RAP1GAP2: variants seen among roughly 807,000 people sequenced by gnomAD.
RAP1GAP2 encodes rap1 GTPase-activating protein 2.
A neutral mutation model predicts 95.0 loss-of-function variants in RAP1GAP2; 27 were observed. That is an observed-to-expected ratio of 0.28 (90% CI 0.21 to 0.39). RAP1GAP2 has a LOEUF of 0.39. Among genes scored for constraint, RAP1GAP2 ranks in the 10% least tolerant of loss-of-function variants. The pLI is 1.00. For synonymous variants in RAP1GAP2, 373 were observed against 380.9 expected (o/e 0.98, Z 0.24); for missense variants, 771 against 970.0 (o/e 0.79, Z 2.72).
chr17:2,989,211 T>A (rs2045669005), intron 11 of RAP1GAP2, among the ~76,000 whole-genome samples: 1 of 152,242 alleles, frequency 6.6e-6, no homozygotes, highest in Non-Finnish European at 1.5e-5. Context: ...TTTTAGCCAT[T>A]CTGATAGATG....
At chr17:2,773,725 C>A (rs2068440327), upstream of RAP1GAP2, among the ~76,000 whole-genome samples, 1 of 147,884 alleles carries the variant, frequency 6.8e-6, no homozygotes, top group South Asian at 2.2e-4. Context: ...ACAGTAGACA[C>A]TATTTATTTA....
intron 8 of RAP1GAP2, among the ~76,000 whole-genome samples, chr17:2,975,395 G>A (rs538694018): frequency 2.0e-5 from 3 of 152,252 alleles, no homozygotes; most frequent in Non-Finnish European, 4.4e-5. Flanking sequence ...GGTGTGGAAA[G>A]ATTTAAAATA....
In RAP1GAP2 at chr17:2,867,454, G is replaced by A. The variant is rs2072660793; in HGVS notation, c.81-37830G>A. On this transcript the variant is annotated intron_variant, in intron 2 of 24. Transcript: ENST00000254695. This position sits in a 1 kb window ranked among gnomAD's most constrained non-coding sequence, Gnocchi z 4.5. ...AGGTACCTTATCCACGAAGATGGAC[G>A]ATGGCTGCCCTGGGCTGACCTTCTA... Among the ~76,000 whole-genome samples the A allele has an allele frequency of 6.6e-6, 1 of 150,758 alleles. No homozygotes were observed. Among genetic ancestry groups the A allele is most frequent in the Non-Finnish European group, 1.5e-5 (1 of 68,018 alleles).
At position 2,977,648 on chromosome 17, in the gene RAP1GAP2, G is replaced by A. The variant is rs561730366; in HGVS notation, c.597-2639G>A. Among the ~76,000 whole-genome samples, 7 of 151,666 alleles carry A rather than the reference G, an allele frequency of 4.6e-5. No homozygotes were observed. The East Asian group carries it at 9.7e-4, about 21-fold the overall frequency. On this transcript the variant is annotated intron_variant, in intron 8 of 24. Coordinates refer to ENST00000254695, the MANE Select transcript of RAP1GAP2 (RefSeq NM_015085.5). ...TAATCCCAGCTACTCGGGAGGCTGA[G>A]GCAGGAGAATTGCTTGAACCCGGGA... is the stretch of plus-strand genomic sequence containing the variant.
intron 22 of RAP1GAP2, among the ~76,000 whole-genome samples, chr17:3,030,694 G>A (rs183247114): frequency 2.2e-4 from 34 of 152,206 alleles, no homozygotes; most frequent in Admixed American, 1.2e-3. Flanking sequence ...TGAACTGTAA[G>A]CTTATATATA....
intron 17 of RAP1GAP2, among the ~76,000 whole-genome samples, chr17:3,016,071 G>A (rs2046755311): frequency 6.6e-6 from 1 of 152,182 alleles, no homozygotes; most frequent in Non-Finnish European, 1.5e-5. Flanking sequence ...TGTCCAAGGA[G>A]GGCTGGGTGA....
intron 2 of RAP1GAP2, among the ~76,000 whole-genome samples, chr17:2,833,752 C>T (rs955427382): frequency 2.0e-5 from 3 of 149,870 alleles, no homozygotes; most frequent in Non-Finnish European, 3.0e-5. Context: ...TGACTGTCTA[C>T]ACATGAAAGT....
chr17:2,857,620 T>C lies in RAP1GAP2; in HGVS notation c.81-47664T>C, dbSNP rs2072198424. Among the ~76,000 whole-genome samples, 1 of 151,990 alleles carries C rather than the reference T, an allele frequency of 6.6e-6. No homozygotes were observed. Among genetic ancestry groups the C allele is most frequent in the Admixed American group, 6.6e-5 (1 of 15,242 alleles). On this transcript the variant is annotated intron_variant, in intron 2 of 24. Transcript: ENST00000254695. This position sits in a 1 kb window ranked among gnomAD's most constrained non-coding sequence, Gnocchi z 4.0. ...AAGCAGTGGCGTGTCTGAGAGGGGATTGGGTTTGAGTATGGCTCCCAGGAG... is the reference window on the plus strand; with the variant it reads ...AAGCAGTGGCGTGTCTGAGAGGGGACTGGGTTTGAGTATGGCTCCCAGGAG...
intron 1 of RAP1GAP2, among the ~76,000 whole-genome samples, chr17:2,781,624 G>C (rs565746991): frequency 6.7e-6 from 1 of 149,022 alleles, no homozygotes; most frequent in Admixed American, 6.7e-5. Context: ...GTGTGAGCAC[G>C]TCTCTGTGTG....
At chr17:2,877,871 CCCTGTAGCT>C (rs1181885660) in intron 2 of RAP1GAP2, among the ~76,000 whole-genome samples, 4 of 152,062 alleles carry the variant, frequency 2.6e-5, no homozygotes, top group African/African-American at 4.8e-5. Context: ...TTTGGAAGGT[CCCTGTAGCT>C]CCTGGGGGAG....
chr17:2,881,940 C>T (rs1236391288), intron 2 of RAP1GAP2, among the ~76,000 whole-genome samples: 3 of 151,968 alleles, frequency 2.0e-5, no homozygotes, highest in Non-Finnish European at 2.9e-5. Context: ...CCTGCCTCAG[C>T]CTCCCGAGTA....
Position 2,849,981 on chromosome 17 carries a change from A to T in RAP1GAP2, c.80+49431A>T, listed in dbSNP as rs1050322162. 2.7e-5 allele frequency among the ~76,000 whole-genome samples: 4 copies of T among 150,118 alleles called. No individual in the cohort carries two copies. The South Asian group carries it at 8.4e-4, about 31-fold the overall frequency. On this transcript the variant is annotated intron_variant, in intron 2 of 24. Coordinates refer to ENST00000254695, the MANE Select transcript of RAP1GAP2 (RefSeq NM_015085.5). ...CTTGGTTTGGCGCAGGTGTGTCACT[A>T]ACACCTAACACTGCCTGCTTTTTTT... is the stretch of plus-strand genomic sequence containing the variant.
intron 2 of RAP1GAP2, among the ~76,000 whole-genome samples, chr17:2,807,191 C>G (rs1171237361): frequency 1.3e-5 from 2 of 152,260 alleles, no homozygotes; most frequent in African/African-American, 4.8e-5. Context: ...GCCACCGCCT[C>G]CGGCCGTTGA....
At chr17:2,756,591 T>G (rs1274333456) in intron 1 of RAP1GAP2, among the ~76,000 whole-genome samples, 1 of 152,128 alleles carries the variant, frequency 6.6e-6, no homozygotes, top group Non-Finnish European at 1.5e-5. Context: ...CTCGGAGGAC[T>G]CCAAGATTCA....
chr17:2,796,359 C>T (rs2069080995), upstream of RAP1GAP2: 3 of 703,458 alleles, frequency 4.3e-6, no homozygotes, highest in Admixed American at 7.0e-5. This position sits in a 1 kb window ranked among gnomAD's most constrained non-coding sequence, Gnocchi z 4.7. Flanking sequence ...CCCAGCTCTG[C>T]AGCCTCACCC....
At chr17:2,757,389 T>C (rs1273089224) in intron 1 of RAP1GAP2, among the ~76,000 whole-genome samples, 1 of 152,238 alleles carries the variant, frequency 6.6e-6, no homozygotes, top group Non-Finnish European at 1.5e-5. Context: ...CCCAAAGTGC[T>C]GGGATTACAG....
At chr17:2,996,828 C>G (rs1567872957) in intron 13 of RAP1GAP2, among the ~76,000 whole-genome samples, 1 of 152,218 alleles carries the variant, frequency 6.6e-6, no homozygotes, top group Non-Finnish European at 1.5e-5. Flanking sequence ...TGTGAAAGTG[C>G]CCAGCACAGT....
intron 2 of RAP1GAP2, among the ~76,000 whole-genome samples, chr17:2,808,376 G>A (rs879814523): frequency 2.6e-5 from 4 of 152,072 alleles, no homozygotes; most frequent in African/African-American, 9.7e-5. Flanking sequence ...TAGCGAGTTT[G>A]GGCAGTTTGG....
chr17:3,020,430 A>G, intron 18 of RAP1GAP2, 47 bp from the exon 19 acceptor site: 1 of 1,469,104 alleles, frequency 6.8e-7, no homozygotes, highest in Non-Finnish European at 9.5e-7. Context: ...GGGATAGGAG[A>G]TCGGTGTTTG....
Sources: allele counts gnomAD v4.1 joint callset (sites outside exome capture counted in the v4.1 genomes callset), GRCh38; gene constraint gnomAD v4.1.1; non-coding constraint Gnocchi (gnomAD v3.1); transcripts MANE v1.5; gene names NCBI Gene and HGNC (gene_info 2026-07-23, HGNC 2026-07-21).